Variants in SHANK2 observed in about 807,000 individuals in gnomAD.
SHANK2 encodes SH3 and multiple ankyrin repeat domains 2.
A neutral mutation model predicts 133.7 loss-of-function variants in SHANK2; 43 were observed. That is an observed-to-expected ratio of 0.32 (90% CI 0.25 to 0.41). The LOEUF is 0.41. Among genes scored for constraint, SHANK2 ranks in the 10% least tolerant of loss-of-function variants. SHANK2 has a pLI of 1.00. For missense variants in SHANK2, 1,994 were observed against 2,235.8 expected (o/e 0.89, Z 2.18); for synonymous variants, 1,017 against 952.8 (o/e 1.07, Z -1.24).
intron 10 of SHANK2, among the ~76,000 whole-genome samples, chr11:70,940,507 C>T (rs1950632564): frequency 6.6e-6 from 1 of 152,076 alleles, no homozygotes; most frequent in Admixed American, 6.5e-5. Context: ...CCCACCTTGG[C>T]CTCCCAAAGA....
At chr11:70,881,783 G>A (rs1227751513) in intron 11 of SHANK2, among the ~76,000 whole-genome samples, 3 of 151,168 alleles carry the variant, frequency 2.0e-5, no homozygotes, top group Non-Finnish European at 4.4e-5. Context: ...AGGCTACAGT[G>A]CCGTGGCCCC....
intron 17 of SHANK2, among the ~76,000 whole-genome samples, chr11:70,623,081 C>T: frequency 6.6e-6 from 1 of 152,124 alleles, no homozygotes; most frequent in East Asian, 1.9e-4. Context: ...GAGGCTGAGG[C>T]AGGAGAATGG....
rs529042067 is a variant in SHANK2 at position 70,648,932 on chromosome 11, G to A, written c.2061+10896C>T. 3.0e-4 allele frequency among the ~76,000 whole-genome samples: 46 copies of A among 152,282 alleles called. No homozygotes were observed. In the East Asian group the frequency reaches 7.7e-3, roughly 26 times the overall value. On this transcript the variant is annotated intron_variant, in intron 17 of 25. Transcript: ENST00000601538. ...TGTGCAGGAAGTGACTATGGCAGAG[G>A]GTTATGAGCGGGCATCACAGGCAAC...
At chr11:70,771,161 A>G (rs1205399544) in intron 14 of SHANK2, among the ~76,000 whole-genome samples, 2 of 152,136 alleles carry the variant, frequency 1.3e-5, no homozygotes, top group Non-Finnish European at 2.9e-5. Flanking sequence ...TCCTGAGCTC[A>G]GGTGATCTAC....
chr11:71,236,903 G>A (rs931627999), intron 1 of SHANK2, among the ~76,000 whole-genome samples: 6 of 152,242 alleles, frequency 3.9e-5, no homozygotes, highest in African/African-American at 1.4e-4. Flanking sequence ...GCACCTATGA[G>A]GTCTTTCTGT....
At chr11:71,185,037 A>G (rs1290528311) in intron 2 of SHANK2, among the ~76,000 whole-genome samples, 2 of 152,136 alleles carry the variant, frequency 1.3e-5, no homozygotes, top group African/African-American at 2.4e-5. Context: ...GGGCAGGCCC[A>G]TTGCTCCTGC....
At chr11:70,600,754 G>T (rs2060484902) in intron 17 of SHANK2, among the ~76,000 whole-genome samples, 1 of 152,060 alleles carries the variant, frequency 6.6e-6, no homozygotes, top group South Asian at 2.1e-4. Flanking sequence ...AGTGAAATTA[G>T]ATCCATGCCT....
chr11:70,852,929 T>C (rs1416576643), intron 11 of SHANK2, among the ~76,000 whole-genome samples: 1 of 152,182 alleles, frequency 6.6e-6, no homozygotes, highest in Non-Finnish European at 1.5e-5. Context: ...TGGCAAGGCC[T>C]TGAGTCTCCA....
intron 10 of SHANK2, among the ~76,000 whole-genome samples, chr11:70,935,578 C>T (rs1437453108): frequency 3.3e-5 from 5 of 152,238 alleles, no homozygotes; most frequent in East Asian, 1.9e-4. Flanking sequence ...AAACCACAAC[C>T]GAGTCTATTC....
intron 17 of SHANK2, among the ~76,000 whole-genome samples, chr11:70,507,436 A>G (rs557158889): frequency 5.3e-5 from 8 of 152,356 alleles, no homozygotes; most frequent in South Asian, 2.1e-4. Flanking sequence ...TTCCCAGGCC[A>G]GTCTCCTGTG....
At chr11:71,189,394 T>C (rs1953744273) in intron 2 of SHANK2, among the ~76,000 whole-genome samples, 1 of 152,130 alleles carries the variant, frequency 6.6e-6, no homozygotes, top group Admixed American at 6.5e-5. Flanking sequence ...AACTTTATTA[T>C]TTTTTATTCT....
chr11:70,917,483 C>T (rs114792496), intron 10 of SHANK2, among the ~76,000 whole-genome samples: 88 of 152,256 alleles, frequency 5.8e-4, no homozygotes, highest in African/African-American at 1.9e-3. Context: ...AAATGCCATT[C>T]GACTCAGCAA....
intron 14 of SHANK2, among the ~76,000 whole-genome samples, chr11:70,775,849 G>A (rs1299875555): frequency 1.3e-5 from 2 of 152,224 alleles, no homozygotes; most frequent in Non-Finnish European, 2.9e-5. Flanking sequence ...ATAAGCCAAT[G>A]TTTATTCATA....
At chr11:70,530,922 T>C (rs1216037156) in intron 17 of SHANK2, among the ~76,000 whole-genome samples, 1 of 152,100 alleles carries the variant, frequency 6.6e-6, no homozygotes, top group Non-Finnish European at 1.5e-5. Context: ...TCCCAGCACC[T>C]TGGGAGGCCG....
At chr11:71,174,857 A>G (rs1953394907) in intron 2 of SHANK2, 1 of 152,004 alleles carries the variant, frequency 6.6e-6, no homozygotes, top group Non-Finnish European at 1.5e-5. Context: ...GTCTCAAAAG[A>G]AAAAAAAGAA....
At chr11:71,093,083 C>T (rs1027147016) in intron 7 of SHANK2, among the ~76,000 whole-genome samples, 1 of 141,250 alleles carries the variant, frequency 7.1e-6, no homozygotes, top group Admixed American at 7.7e-5. Flanking sequence ...CTTTAGACAA[C>T]TACATTTCTA....
intron 14 of SHANK2, among the ~76,000 whole-genome samples, chr11:70,758,861 C>T (rs913980416): frequency 6.6e-6 from 1 of 152,202 alleles, no homozygotes; most frequent in African/African-American, 2.4e-5. Flanking sequence ...ACCACAGAAG[C>T]CTTAAAAACT....
chr11:71,086,022 TTA>T (rs1322748840), intron 8 of SHANK2, among the ~76,000 whole-genome samples: 2 of 87,840 alleles, frequency 2.3e-5, no homozygotes, highest in Non-Finnish European at 3.9e-5. Context: ...ATATAACATA[TTA>T]TATGTTATAT....
intron 11 of SHANK2, among the ~76,000 whole-genome samples, chr11:70,892,357 G>A (rs481500): frequency 0.91 from 134,986 of 147,678 alleles, 61,309 homozygotes; most frequent in Non-Finnish European, 0.98. Context: ...TAACTATGGT[G>A]GGGGGGACTG....
Sources: allele counts gnomAD v4.1 joint callset (sites outside exome capture counted in the v4.1 genomes callset), GRCh38; gene constraint gnomAD v4.1.1; transcripts MANE v1.5; gene names NCBI Gene and HGNC (gene_info 2026-07-23, HGNC 2026-07-21).